DMRT1: variants seen among roughly 807,000 people sequenced by gnomAD.
DMRT1 encodes the protein doublesex and mab-3 related transcription factor 1.
A neutral mutation model predicts 32.3 loss-of-function variants in DMRT1; 7 were observed. The ratio of observed to expected loss-of-function variants is 0.22; its 90% CI spans 0.12 to 0.41. The LOEUF is 0.41. DMRT1 is among the 10% of genes least tolerant of loss of function. DMRT1 has a pLI of 1.00. For missense variants in DMRT1, 625 were observed against 500.5 expected (o/e 1.25, Z -2.37); for synonymous variants, 278 against 206.1 (o/e 1.35, Z -2.99).
Position 914,715 on chromosome 9 carries a change from C to T in DMRT1, c.823-2048C>T, listed in dbSNP as rs537508593. The stretch of plus-strand genomic sequence containing the variant: ...AGGGGACTTACCCAGGTAAACTTCA[C>T]TTGAGAGGAAATAATCACCTGTAAT... On this transcript the variant is annotated intron_variant, in intron 3 of 4. Transcript: ENST00000382276. Among the ~76,000 whole-genome samples the T allele has an allele frequency of 2.9e-3, 437 of 151,966 alleles. 4 individuals carry two copies. The highest frequency in any genetic ancestry group is 0.01 in the African/African-American group (420 of 41,470).
At chr9:886,246 GT>G (rs974198605) in intron 2 of DMRT1, among the ~76,000 whole-genome samples, 1 of 152,022 alleles carries the variant, frequency 6.6e-6, no homozygotes, top group Admixed American at 6.6e-5. Flanking sequence ...AGCCAACTGT[GT>G]TTTTTTGTTT....
At chr9:952,995 G>C (rs1819479200) in intron 4 of DMRT1, among the ~76,000 whole-genome samples, 1 of 152,186 alleles carries the variant, frequency 6.6e-6, no homozygotes, top group South Asian at 2.1e-4. Context: ...AAATCTTTAA[G>C]ACTTCAAAGG....
chr9:945,348 G>A (rs973072712), intron 4 of DMRT1, among the ~76,000 whole-genome samples: 24 of 152,082 alleles, frequency 1.6e-4, no homozygotes, highest in African/African-American at 5.6e-4. Flanking sequence ...TAGAGACAGG[G>A]TTTCACCATG....
At chr9:937,607 G>C (rs528202722) in intron 4 of DMRT1, among the ~76,000 whole-genome samples, 1 of 152,142 alleles carries the variant, frequency 6.6e-6, no homozygotes, top group Non-Finnish European at 1.5e-5. Context: ...ATGATGTTGA[G>C]CATTTTTTTC....
chr9:887,726 C>G (rs1049501587), intron 2 of DMRT1, among the ~76,000 whole-genome samples: 1 of 152,156 alleles, frequency 6.6e-6, no homozygotes, highest in African/African-American at 2.4e-5. Context: ...TCACCGTGGC[C>G]TTTTCTGACA....
At chr9:905,392 A>G (rs545241852) in intron 3 of DMRT1, among the ~76,000 whole-genome samples, 1 of 152,228 alleles carries the variant, frequency 6.6e-6, no homozygotes, top group East Asian at 1.9e-4. Context: ...GAAGGCAGAC[A>G]TAATTCTATG....
At chr9:864,965 G>T (rs561048301) in intron 2 of DMRT1, among the ~76,000 whole-genome samples, 112 of 152,270 alleles carry the variant, frequency 7.4e-4, no homozygotes, top group African/African-American at 2.6e-3. Flanking sequence ...TGCAGGAATG[G>T]GGAGATATAC....
chr9:966,967 C>T (rs1819949411), intron 4 of DMRT1, among the ~76,000 whole-genome samples: 1 of 152,180 alleles, frequency 6.6e-6, no homozygotes, highest in Non-Finnish European at 1.5e-5. Flanking sequence ...TACCCTTTCA[C>T]CATTATTGTT....
At chr9:854,549 A>G (rs1180923510) in intron 2 of DMRT1, among the ~76,000 whole-genome samples, 4 of 152,164 alleles carry the variant, frequency 2.6e-5, no homozygotes, top group African/African-American at 9.7e-5. Context: ...TACTTTATTC[A>G]AATAAGCAAT....
At chr9:876,050 C>T (rs1266575636) in intron 2 of DMRT1, among the ~76,000 whole-genome samples, 1 of 152,208 alleles carries the variant, frequency 6.6e-6, no homozygotes, top group Non-Finnish European at 1.5e-5. Flanking sequence ...TGCTTTGCTG[C>T]ACCCTTTTAT....
intron 4 of DMRT1, among the ~76,000 whole-genome samples, chr9:952,540 T>C (rs563091534): frequency 6.6e-6 from 1 of 152,356 alleles, no homozygotes; most frequent in East Asian, 1.9e-4. Context: ...TTTTTACATG[T>C]AAATTGGTCA....
intron 2 of DMRT1, among the ~76,000 whole-genome samples, chr9:858,712 A>G (rs1258631850): frequency 4.6e-5 from 7 of 151,928 alleles, no homozygotes; most frequent in Admixed American, 3.9e-4. Flanking sequence ...TGTCTCTACT[A>G]AAAATACAAA....
rs61227399 is a variant in DMRT1 at position 956,791 on chromosome 9, C to G, written c.968-11194C>G. Among the ~76,000 whole-genome samples the G allele has an allele frequency of 3.3e-5, 5 of 152,212 alleles. No individual in the cohort carries two copies. In the South Asian group the frequency reaches 1.0e-3, roughly 32 times the overall value. ...AGCCTTTCTTTCCTTAAGTTCAGAG[C>G]CTCGCTCTCTTGACCCAGTACCAAC... On this transcript the variant is annotated intron_variant, in intron 4 of 4. Transcript: ENST00000382276.
intron 4 of DMRT1, among the ~76,000 whole-genome samples, chr9:935,500 C>T (rs895839743): frequency 1.3e-5 from 2 of 152,188 alleles, no homozygotes; most frequent in Non-Finnish European, 2.9e-5. Flanking sequence ...GAGTCTGACT[C>T]CAGTGCTAAG....
intron 1 of DMRT1, among the ~76,000 whole-genome samples, chr9:843,483 A>G (rs1838778113): frequency 6.6e-6 from 1 of 152,264 alleles, no homozygotes; most frequent in Admixed American, 6.5e-5. Flanking sequence ...AGAATTTTAA[A>G]GAATATGCGC....
intron 2 of DMRT1, among the ~76,000 whole-genome samples, chr9:850,320 G>C (rs954536426): frequency 5.3e-5 from 8 of 152,314 alleles, no homozygotes; most frequent in African/African-American, 1.2e-4. Context: ...GTGTGGGAGA[G>C]TGGGGGAGAG....
intron 4 of DMRT1, among the ~76,000 whole-genome samples, chr9:939,653 A>G (rs10491584): frequency 0.2 from 30,019 of 152,164 alleles, 4,510 homozygotes; most frequent in African/African-American, 0.42. Context: ...ATTTTAGAGC[A>G]TCATACAAAG....
rs535761661 is a variant in DMRT1 at position 963,494 on chromosome 9, T to C, written c.968-4491T>C. On this transcript the variant is annotated intron_variant, in intron 4 of 4. Transcript: ENST00000382276. ...TTTTTTCTCAGCTTGTGGTTTCTAATTACATCAGTTACAGCTCAGCCTTCT... is the reference window on the plus strand; with the variant it reads ...TTTTTTCTCAGCTTGTGGTTTCTAACTACATCAGTTACAGCTCAGCCTTCT... 4.6e-5 allele frequency among the ~76,000 whole-genome samples: 7 copies of C among 152,304 alleles called. No individual in the cohort carries two copies. The South Asian group carries it at 1.5e-3, about 32-fold the overall frequency.
At chr9:935,871 T>A (rs968759589) in intron 4 of DMRT1, among the ~76,000 whole-genome samples, 2 of 152,248 alleles carry the variant, frequency 1.3e-5, no homozygotes, top group African/African-American at 4.8e-5. Flanking sequence ...TTTTTAATCC[T>A]GTGAATAGCA....
Sources: allele counts gnomAD v4.1 joint callset (sites outside exome capture counted in the v4.1 genomes callset), GRCh38; gene constraint gnomAD v4.1.1; transcripts MANE v1.5; gene names NCBI Gene and HGNC (gene_info 2026-07-23, HGNC 2026-07-21).